CHST11: variants seen among roughly 807,000 people sequenced by gnomAD.
CHST11 encodes C4S-1.
Under a neutral mutation model 30.4 loss-of-function variants are expected in CHST11, and 9 were observed. The observed-to-expected ratio is 0.30, with a 90% CI of 0.18 to 0.52. The LOEUF is 0.52. Among genes scored for constraint, CHST11 ranks in the 20% least tolerant of loss-of-function variants. CHST11 has a pLI of 0.97. For missense variants in CHST11, 348 were observed against 460.6 expected, an observed-to-expected ratio of 0.76 and a Z score of 2.24; for synonymous variants, 152 against 187.8, an observed-to-expected ratio of 0.81 and a Z score of 1.56.
At chr12:104,560,288 A>G (rs1481682524) in intron 1 of CHST11, among the ~76,000 whole-genome samples, 1 of 152,208 alleles carries the variant, frequency 6.6e-6, no homozygotes, top group Non-Finnish European at 1.5e-5. Context: ...AGGCAGTTGT[A>G]TGAATATGGT....
At chr12:104,677,527 G>A (rs7302142) in intron 2 of CHST11, among the ~76,000 whole-genome samples, 3,417 of 152,314 alleles carry the variant, frequency 0.022, 97 homozygotes, top group African/African-American at 0.07. Context: ...CCCTATTGGA[G>A]CCTAGAGCCT....
At chr12:104,488,413 G>T (rs1442674154) in intron 1 of CHST11, among the ~76,000 whole-genome samples, 1 of 151,246 alleles carries the variant, frequency 6.6e-6, no homozygotes, top group Non-Finnish European at 1.5e-5. Context: ...CCAGGTATGT[G>T]TATGTGTCTA....
intron 2 of CHST11, among the ~76,000 whole-genome samples, chr12:104,613,858 C>T (rs1007700313): frequency 2.6e-5 from 4 of 152,134 alleles, no homozygotes; most frequent in African/African-American, 9.7e-5. Flanking sequence ...AAAGGTTGAA[C>T]TGGTAGAAGC....
chr12:104,709,388 A>G (rs2040064749), intron 2 of CHST11, among the ~76,000 whole-genome samples: 1 of 152,250 alleles, frequency 6.6e-6, no homozygotes, highest in Admixed American at 6.5e-5. Flanking sequence ...GCCAAAAGGC[A>G]GACGTGGCCC....
At chr12:104,581,758 G>A (rs1227134388) in intron 1 of CHST11, among the ~76,000 whole-genome samples, 9 of 152,184 alleles carry the variant, frequency 5.9e-5, no homozygotes, top group Non-Finnish European at 1.2e-4. Context: ...TGGTCTCAAA[G>A]GGCCTGTTAC....
At chr12:104,479,895 G>A (rs558283895) in intron 1 of CHST11, among the ~76,000 whole-genome samples, 30 of 152,306 alleles carry the variant, frequency 2.0e-4, no homozygotes, top group African/African-American at 6.7e-4. Context: ...TGGGAAGAGG[G>A]AGAGAGGTCC....
chr12:104,556,539 T>G (rs1212296626), intron 1 of CHST11, among the ~76,000 whole-genome samples: 1 of 152,240 alleles, frequency 6.6e-6, no homozygotes, highest in African/African-American at 2.4e-5. Flanking sequence ...GTCTCTCTCC[T>G]GGCTTCTGTG....
chr12:104,686,092 G>A (rs1030379280), intron 2 of CHST11, among the ~76,000 whole-genome samples: 2 of 152,100 alleles, frequency 1.3e-5, no homozygotes. Flanking sequence ...AATTAGCTGG[G>A]CATGGTGGTG....
At chr12:104,482,758 C>G (rs1208846394) in intron 1 of CHST11, among the ~76,000 whole-genome samples, 3 of 152,154 alleles carry the variant, frequency 2.0e-5, no homozygotes, top group Non-Finnish European at 4.4e-5. Flanking sequence ...GAACTCATTC[C>G]ACTTACCCAA....
rs543693558 is a variant in CHST11 at position 104,547,380 on chromosome 12, G to A, written c.119-54526G>A. Among the ~76,000 whole-genome samples the A allele has an allele frequency of 3.3e-5, 5 of 152,300 alleles. No homozygotes were observed. The South Asian group carries it at 1.0e-3, about 32-fold the overall frequency. The stretch of plus-strand genomic sequence containing the variant: ...GGCGCCAGGAGCCGCAAGATTTTCC[G>A]TTCAGGTTGTGTCGTCTCAGAGCTA... On this transcript the variant is annotated intron_variant, in intron 1 of 2. Transcript: ENST00000303694.
At chr12:104,576,676 C>A (rs1845083324) in intron 1 of CHST11, among the ~76,000 whole-genome samples, 2 of 152,164 alleles carry the variant, frequency 1.3e-5, no homozygotes, top group Admixed American at 1.3e-4. Context: ...ATTTGGTCAA[C>A]CACCCACTTC....
At chr12:104,745,447 T>C (rs1030878572) in intron 2 of CHST11, among the ~76,000 whole-genome samples, 4 of 152,252 alleles carry the variant, frequency 2.6e-5, no homozygotes, top group African/African-American at 7.2e-5. Flanking sequence ...ATATGAATTA[T>C]AGAATACTTT....
In CHST11 at chr12:104,561,949, G is replaced by A. The variant is rs377542729; in HGVS notation, c.119-39957G>A. On this transcript the variant is annotated intron_variant, in intron 1 of 2. Coordinates refer to ENST00000303694, the MANE Select transcript of CHST11 (RefSeq NM_018413.6). Reference sequence around the variant, plus strand: ...GGGATTAGGGAGACTGAGGCTTAGGGAAGTCAGAGGAGGGATTGGAACTTG... The same window carrying A: ...GGGATTAGGGAGACTGAGGCTTAGGAAAGTCAGAGGAGGGATTGGAACTTG... Among the ~76,000 whole-genome samples, 173 of 152,134 alleles carry A rather than the reference G, an allele frequency of 1.1e-3. 3 individuals are homozygous for A. In the South Asian group the frequency reaches 0.035, roughly 31 times the overall value.
chr12:104,469,996 G>T (rs1453990404), intron 1 of CHST11, among the ~76,000 whole-genome samples: 1 of 152,192 alleles, frequency 6.6e-6, no homozygotes, highest in Admixed American at 6.5e-5. Context: ...TTTGCAACTG[G>T]TTTGGGACCT....
intron 1 of CHST11, among the ~76,000 whole-genome samples, chr12:104,510,694 T>A (rs1036599429): frequency 6.6e-6 from 1 of 152,258 alleles, no homozygotes; most frequent in African/African-American, 2.4e-5. Context: ...ATGAAGAGAA[T>A]GTCTTGTTTG....
chr12:104,693,945 T>C (rs1482306182), intron 2 of CHST11, among the ~76,000 whole-genome samples: 1 of 152,154 alleles, frequency 6.6e-6, no homozygotes, highest in Non-Finnish European at 1.5e-5. Context: ...TTAGATTCTG[T>C]GGGCCAAGAG....
intron 1 of CHST11, among the ~76,000 whole-genome samples, chr12:104,577,234 A>ATT (rs34967812): frequency 0.016 from 1,224 of 74,234 alleles, 98 homozygotes; most frequent in African/African-American, 0.068. Context: ...GCAGCCCTTC[A>ATT]TTTTTTTTTT....
chr12:104,482,405 T>A (rs753807086), intron 1 of CHST11, among the ~76,000 whole-genome samples: 30 of 152,094 alleles, frequency 2.0e-4, no homozygotes, highest in Non-Finnish European at 3.7e-4. Flanking sequence ...TTACTTCTTT[T>A]AAGTTTAGGC....
At chr12:104,719,771 C>T (rs1177794963) in intron 2 of CHST11, among the ~76,000 whole-genome samples, 1 of 152,120 alleles carries the variant, frequency 6.6e-6, no homozygotes, top group Non-Finnish European at 1.5e-5. Flanking sequence ...ATGGACTGGC[C>T]CTGGGCACTC....
Sources: gnomAD v4.1 joint callset for allele counts (sites outside exome capture counted in the v4.1 genomes callset) on GRCh38, gnomAD v4.1.1 for gene constraint, MANE v1.5 for transcripts, NCBI Gene and HGNC (gene_info 2026-07-23, HGNC 2026-07-21) for gene names.